The following NAALADL2 variants were observed in gnomAD, a reference collection of about 807,000 sequenced individuals.
NAALADL2 encodes the protein inactive N-acetylated-alpha-linked acidic dipeptidase-like protein 2.
A neutral mutation model predicts 87.2 loss-of-function variants in NAALADL2; 76 were observed. The ratio of observed to expected loss-of-function variants is 0.87; its 90% CI spans 0.72 to 1.05. The LOEUF is 1.05. Among genes scored for constraint, NAALADL2 ranks in the 50% least tolerant of loss-of-function variants. The probability of loss-of-function intolerance (pLI) is 0.00; values close to 1 mark genes in which losing one functional copy is unlikely to be tolerated. For missense variants in NAALADL2, 1,089 were observed against 945.8 expected, an observed-to-expected ratio of 1.15 and a Z score of -1.99; for synonymous variants, 354 against 331.0, an observed-to-expected ratio of 1.07 and a Z score of -0.75.
At chr3:174,453,601 G>A (rs1223855048) in intron 1 of NAALADL2, among the ~76,000 whole-genome samples, 1 of 152,100 alleles carries the variant, frequency 6.6e-6, no homozygotes, top group Non-Finnish European at 1.5e-5. Flanking sequence ...AAGTTATTGG[G>A]GGCCAATATT....
chr3:175,680,617 T>A (rs1012709749), intron 11 of NAALADL2, among the ~76,000 whole-genome samples: 7 of 152,188 alleles, frequency 4.6e-5, no homozygotes, highest in Non-Finnish European at 8.8e-5. Flanking sequence ...GAGACAGATA[T>A]CACTGATATA....
intron 13 of NAALADL2, among the ~76,000 whole-genome samples, chr3:175,794,951 C>G (rs1384368154): frequency 4.6e-5 from 7 of 152,190 alleles, no homozygotes; most frequent in Non-Finnish European, 1.0e-4. Context: ...GGAGCGGGTA[C>G]TCTGGCTGGC....
chr3:174,846,601 T>A (rs970122140), intron 3 of NAALADL2, among the ~76,000 whole-genome samples: 3 of 152,214 alleles, frequency 2.0e-5, no homozygotes, highest in Admixed American at 1.3e-4. Context: ...AATGTTTTTT[T>A]GACTTTTAAA....
At chr3:174,930,318 A>G (rs1736677528) in intron 1 of NAALADL2, among the ~76,000 whole-genome samples, 1 of 152,040 alleles carries the variant, frequency 6.6e-6, no homozygotes, top group African/African-American at 2.4e-5. Flanking sequence ...TTATTTCTGT[A>G]ATATACACTT....
At chr3:174,571,672 A>G (rs1249204878) in intron 2 of NAALADL2, among the ~76,000 whole-genome samples, 2 of 152,030 alleles carry the variant, frequency 1.3e-5, no homozygotes, top group Non-Finnish European at 2.9e-5. Flanking sequence ...AGCCACCACT[A>G]CTGACCCATA....
At chr3:175,793,307 C>CTTT (rs66905230) in intron 13 of NAALADL2, among the ~76,000 whole-genome samples, 5 of 116,930 alleles carry the variant, frequency 4.3e-5, no homozygotes, top group African/African-American at 9.7e-5. Context: ...CATTTTCTTT[C>CTTT]TTTTTTTTTT....
intron 2 of NAALADL2, among the ~76,000 whole-genome samples, chr3:174,560,864 C>G (rs1713519513): frequency 6.6e-6 from 1 of 152,000 alleles, no homozygotes; most frequent in Non-Finnish European, 1.5e-5. Context: ...TCTCTTTGAC[C>G]CTGTGCAACC....
At chr3:174,938,219 CT>C (rs771706409) in intron 1 of NAALADL2, among the ~76,000 whole-genome samples, 19 of 151,980 alleles carry the variant, frequency 1.3e-4, no homozygotes, top group Non-Finnish European at 2.5e-4. Context: ...TTGCTTTATT[CT>C]TTGTATTCAT....
chr3:174,834,045 G>A (rs1185675001), intron 3 of NAALADL2, among the ~76,000 whole-genome samples: 3 of 149,704 alleles, frequency 2.0e-5, no homozygotes, highest in Non-Finnish European at 4.4e-5. Context: ...GGACATTCTA[G>A]CATTGTAATA....
intron 1 of NAALADL2, among the ~76,000 whole-genome samples, chr3:175,042,081 C>G (rs985559343): frequency 6.6e-6 from 1 of 152,130 alleles, no homozygotes; most frequent in Admixed American, 6.6e-5. Flanking sequence ...CTCCATTTCT[C>G]CCAACTCCTA....
intron 3 of NAALADL2, among the ~76,000 whole-genome samples, chr3:174,751,879 C>T (rs548863002): frequency 1.3e-4 from 20 of 151,306 alleles, no homozygotes; most frequent in Admixed American, 6.6e-4. Flanking sequence ...TGTGTGTGCG[C>T]GTGCGCAATT....
At chr3:175,237,107 T>C (rs1192038882) in intron 3 of NAALADL2, among the ~76,000 whole-genome samples, 2 of 152,116 alleles carry the variant, frequency 1.3e-5, no homozygotes, top group African/African-American at 4.8e-5. Flanking sequence ...ATTACTAATA[T>C]GTAGAGAGGT....
At chr3:175,802,161 A>T (rs1235135978) in intron 13 of NAALADL2, among the ~76,000 whole-genome samples, 2 of 152,070 alleles carry the variant, frequency 1.3e-5, no homozygotes, top group Non-Finnish European at 2.9e-5. Flanking sequence ...TTCTAAAGTG[A>T]TAAGAGCACT....
At chr3:174,693,833 C>T (rs896139216) in intron 2 of NAALADL2, among the ~76,000 whole-genome samples, 1 of 152,040 alleles carries the variant, frequency 6.6e-6, no homozygotes, top group African/African-American at 2.4e-5. Context: ...TGCCACTCTC[C>T]CTCTTCTAGT....
intron 1 of NAALADL2, among the ~76,000 whole-genome samples, chr3:175,015,392 GT>G (rs1228384508): frequency 1.3e-5 from 2 of 152,108 alleles, no homozygotes; most frequent in Non-Finnish European, 2.9e-5. Context: ...GGAAAAGCCT[GT>G]TCTGCCATTA....
intron 1 of NAALADL2, among the ~76,000 whole-genome samples, chr3:175,063,027 A>AT (rs1168907217): frequency 1.3e-5 from 2 of 150,840 alleles, no homozygotes; most frequent in South Asian, 2.1e-4. Flanking sequence ...TACTTAACAT[A>AT]TTTTTTTCTA....
At chr3:174,920,702 C>G (rs1269911286) in intron 1 of NAALADL2, among the ~76,000 whole-genome samples, 1 of 152,160 alleles carries the variant, frequency 6.6e-6, no homozygotes, top group Non-Finnish European at 1.5e-5. Context: ...GCATTCCCAT[C>G]TTAGCTAACT....
intron 1 of NAALADL2, among the ~76,000 whole-genome samples, chr3:174,980,686 T>C (rs1268593785): frequency 6.6e-6 from 1 of 152,172 alleles, no homozygotes; most frequent in Non-Finnish European, 1.5e-5. Flanking sequence ...AATTAGAATA[T>C]TTGTTTTATG....
At chr3:175,024,032 G>T (rs915495049) in intron 1 of NAALADL2, among the ~76,000 whole-genome samples, 4 of 151,718 alleles carry the variant, frequency 2.6e-5, no homozygotes, top group African/African-American at 7.3e-5. Context: ...TACCATTTTT[G>T]ATCATATTTA....
Sources: gnomAD v4.1 joint callset for allele counts (sites outside exome capture counted in the v4.1 genomes callset) on GRCh38, gnomAD v4.1.1 for gene constraint, MANE v1.5 for transcripts, NCBI Gene and HGNC (gene_info 2026-07-23, HGNC 2026-07-21) for gene names.